The following ANO2 variants were observed in gnomAD, a reference collection of about 807,000 sequenced individuals.
ANO2 encodes the protein anoctamin 2, also known as anoctamin-2.
Under a neutral mutation model 124.2 loss-of-function variants are expected in ANO2, and 101 were observed. That is an observed-to-expected ratio of 0.81 (90% confidence interval 0.69 to 0.96). The LOEUF (loss-of-function observed/expected upper bound fraction) is 0.96. Among genes scored for constraint, ANO2 ranks in the 40% least tolerant of loss-of-function variants. The pLI is 0.00. For missense variants in ANO2, 1,293 were observed against 1,274.5 expected (o/e 1.01, Z -0.22); for synonymous variants, 486 against 482.5 (o/e 1.01, Z -0.09).
intron 10 of ANO2, among the ~76,000 whole-genome samples, chr12:5,755,046 T>G (rs970391195): frequency 6.6e-6 from 1 of 152,156 alleles, no homozygotes; most frequent in Non-Finnish European, 1.5e-5. Context: ...TTTACCACTA[T>G]AAACTTCCTT....
chr12:5,698,387 T>C (rs565578988), intron 14 of ANO2, among the ~76,000 whole-genome samples: 1 of 152,348 alleles, frequency 6.6e-6, no homozygotes, highest in South Asian at 2.1e-4. Flanking sequence ...CTGAGGGTTC[T>C]GACTGTTAGA....
intron 19 of ANO2, among the ~76,000 whole-genome samples, chr12:5,602,258 T>TTC (rs1555096322): frequency 9.8e-6 from 1 of 102,434 alleles, no homozygotes; most frequent in Non-Finnish European, 2.4e-5. Context: ...TAGGAACTCT[T>TTC]TTTTTTTTTG....
chr12:5,795,462 C>T (rs1952818143), intron 10 of ANO2, among the ~76,000 whole-genome samples: 1 of 152,254 alleles, frequency 6.6e-6, no homozygotes, highest in South Asian at 2.1e-4. Context: ...GACTGCAGGC[C>T]TGGTTTGGTA....
intron 14 of ANO2, among the ~76,000 whole-genome samples, chr12:5,724,016 C>T (rs1950338303): frequency 6.6e-6 from 1 of 152,078 alleles, no homozygotes; most frequent in South Asian, 2.1e-4. Context: ...CCAATTCTTC[C>T]TCAGCTCATG....
At chr12:5,727,778 C>T (rs1046738312) in intron 14 of ANO2, among the ~76,000 whole-genome samples, 14 of 151,162 alleles carry the variant, frequency 9.3e-5, no homozygotes, top group African/African-American at 2.7e-4. Flanking sequence ...GCTGGGACTA[C>T]AGGTGCTTGC....
intron 3 of ANO2, among the ~76,000 whole-genome samples, chr12:5,914,913 C>G (rs76538121): frequency 1.3e-5 from 2 of 152,252 alleles, no homozygotes; most frequent in East Asian, 1.9e-4. Flanking sequence ...CTGCCCTGCT[C>G]GCTCTCTGGG....
At chr12:5,836,172 A>G (rs1338627115) in intron 4 of ANO2, among the ~76,000 whole-genome samples, 1 of 152,216 alleles carries the variant, frequency 6.6e-6, no homozygotes, top group Non-Finnish European at 1.5e-5. Flanking sequence ...CTGGTCTATA[A>G]CCAGTCTCTC....
At chr12:5,713,042 T>C (rs114626143) in intron 14 of ANO2, among the ~76,000 whole-genome samples, 1,916 of 152,284 alleles carry the variant, frequency 0.013, 41 homozygotes, top group African/African-American at 0.045. Context: ...GCATTCTGGA[T>C]GGATACCTCT....
At chr12:5,617,778 G>A (rs1045884706) in intron 16 of ANO2, among the ~76,000 whole-genome samples, 13 of 152,294 alleles carry the variant, frequency 8.5e-5, no homozygotes, top group East Asian at 3.9e-4. Flanking sequence ...ACAGTGCCAC[G>A]CTCTCTTTCC....
intron 14 of ANO2, among the ~76,000 whole-genome samples, chr12:5,672,901 G>T (rs1193617733): frequency 2.0e-5 from 3 of 152,164 alleles, no homozygotes; most frequent in African/African-American, 7.2e-5. Context: ...TCTTATGTCT[G>T]GATTTTAGGA....
chr12:5,751,194 C>G (rs545177197), intron 10 of ANO2, among the ~76,000 whole-genome samples: 1 of 152,330 alleles, frequency 6.6e-6, no homozygotes, highest in Non-Finnish European at 1.5e-5. Context: ...CACATTCACA[C>G]ACCTGTCTTG....
At chr12:5,836,763 T>G (rs1473763175) in intron 4 of ANO2, 1 of 154,422 alleles carries the variant, frequency 6.5e-6, no homozygotes, top group Non-Finnish European at 1.5e-5. Context: ...CACTGAGGTC[T>G]CGTGTTATTG....
At chr12:5,873,196 G>GCTCGCTCGCTCTCTCT (rs1393522452) in intron 3 of ANO2, among the ~76,000 whole-genome samples, 1 of 118,934 alleles carries the variant, frequency 8.4e-6, no homozygotes, top group Non-Finnish European at 1.7e-5. Flanking sequence ...GCCTAAAGCA[G>GCTCGCTCGCTCTCTCT]CTCTCTCTCT....
intron 14 of ANO2, among the ~76,000 whole-genome samples, chr12:5,725,892 A>G (rs1184073781): frequency 1.3e-5 from 2 of 152,114 alleles, no homozygotes; most frequent in Admixed American, 6.5e-5. Flanking sequence ...ACTCTAATAG[A>G]AAGTTTATTG....
rs28700033 is a variant in ANO2, at chr12:5,931,876, T to G, written c.23-9072A>C. 2.8e-5 allele frequency among the ~76,000 whole-genome samples: 3 copies of G among 108,442 alleles called. No individual in the cohort carries two copies. The East Asian group carries it at 8.9e-4, about 32-fold the overall frequency. The allele number at this position is 108,442 out of a possible 152,430, so 71.1% of individuals were successfully genotyped here. A position where few individuals can be genotyped will look rare whatever the true frequency, so the allele number is the denominator to read the frequency against. Reference sequence around the variant, plus strand: ...CTAATAAGGAAAGAAGGCAGACGAGTGAGGAAAGAAGATAGACTAGTAAGG... The same window carrying G: ...CTAATAAGGAAAGAAGGCAGACGAGGGAGGAAAGAAGATAGACTAGTAAGG... On this transcript the variant is annotated intron_variant, in intron 1 of 24. Transcript: ENST00000682330.
At chr12:5,733,342 A>C (rs1019028594) in intron 13 of ANO2, among the ~76,000 whole-genome samples, 3 of 152,204 alleles carry the variant, frequency 2.0e-5, no homozygotes, top group African/African-American at 4.8e-5. Flanking sequence ...CCAGAGGACC[A>C]TGGTCAAATC....
intron 15 of ANO2, among the ~76,000 whole-genome samples, chr12:5,640,469 A>C (rs1354426479): frequency 6.6e-6 from 1 of 152,338 alleles, no homozygotes; most frequent in Middle Eastern, 3.4e-3. Context: ...AAATTTTTGC[A>C]ATCTGCCCAT....
At chr12:5,845,515 C>T (rs971713998) in intron 4 of ANO2, among the ~76,000 whole-genome samples, 29 of 149,630 alleles carry the variant, frequency 1.9e-4, no homozygotes, top group Non-Finnish European at 3.8e-4. Flanking sequence ...TGCAGTGAGC[C>T]GAGATCGCTC....
At chr12:5,834,436 A>G (rs185333856) in intron 4 of ANO2, among the ~76,000 whole-genome samples, 68 of 152,354 alleles carry the variant, frequency 4.5e-4, no homozygotes, top group Admixed American at 1.4e-3. Flanking sequence ...CAAAAGATAT[A>G]TAAAGTACTT....
Sources: allele counts gnomAD v4.1 joint callset (sites outside exome capture counted in the v4.1 genomes callset), GRCh38; gene constraint gnomAD v4.1.1; transcripts MANE v1.5; gene names NCBI Gene and HGNC (gene_info 2026-07-23, HGNC 2026-07-21).